Variants in GABRA3 observed in about 807,000 individuals in gnomAD.
The protein encoded by GABRA3 is gamma-aminobutyric acid type A receptor subunit alpha3.
Under a neutral mutation model 30.1 loss-of-function variants are expected in GABRA3, and 10 were observed. The observed-to-expected ratio is 0.33, with a 90% CI of 0.20 to 0.56. The LOEUF (loss-of-function observed/expected upper bound fraction) is 0.56. GABRA3 is among the 20% of genes least tolerant of loss of function. GABRA3 has a pLI of 0.89. For missense variants in GABRA3, 233 were observed against 392.0 expected, an observed-to-expected ratio of 0.59 and a Z score of 3.42; for synonymous variants, 151 against 146.8, an observed-to-expected ratio of 1.03 and a Z score of -0.21.
At chrX:152,429,535 C>T (rs1460431279) in intron 1 of GABRA3, among the ~76,000 whole-genome samples, 3 of 111,820 alleles carry the variant, frequency 2.7e-5, no homozygotes, top group East Asian at 2.8e-4. Context: ...AGCCAAATCA[C>T]GCCTTCCCAC....
chrX:152,331,184 A>G (rs1415196238), intron 3 of GABRA3, among the ~76,000 whole-genome samples: 6 of 65,766 alleles, frequency 9.1e-5, no homozygotes, highest in Non-Finnish European at 1.6e-4. Context: ...CTTTGGAAGG[A>G]AAAAAAAAAA....
chrX:152,279,552 C>G (rs1307632936), intron 4 of GABRA3, among the ~76,000 whole-genome samples: 2 of 111,362 alleles, frequency 1.8e-5, no homozygotes, highest in Non-Finnish European at 3.8e-5. Context: ...TGTGATGCCT[C>G]CAGCTTTGTT....
At chrX:152,226,008 A>T (rs6526084) in intron 5 of GABRA3, among the ~76,000 whole-genome samples, 1 of 110,513 alleles carries the variant, frequency 9.0e-6, no homozygotes, top group Non-Finnish European at 1.9e-5. Context: ...TAAAATATCA[A>T]TATATGAGAC....
intron 9 of GABRA3, among the ~76,000 whole-genome samples, chrX:152,174,189 A>G (rs1285756143): frequency 9.0e-6 from 1 of 110,548 alleles, no homozygotes; most frequent in Admixed American, 9.6e-5. Flanking sequence ...CCAGTCTATC[A>G]TTGTTGGACA....
intron 5 of GABRA3, chrX:152,250,989 G>T: frequency 4.4e-6 from 1 of 226,408 alleles, no homozygotes; most frequent in South Asian, 5.6e-5. Context: ...TAGAGAAAGT[G>T]AACGGTTTGT....
intron 3 of GABRA3, among the ~76,000 whole-genome samples, chrX:152,337,902 G>A (rs974655582): frequency 8.9e-6 from 1 of 112,206 alleles, no homozygotes; most frequent in Non-Finnish European, 1.9e-5. Context: ...ATTCCATGAT[G>A]TACATATACC....
intron 9 of GABRA3, among the ~76,000 whole-genome samples, chrX:152,172,758 G>A (rs901344994): frequency 1.8e-5 from 2 of 111,636 alleles, no homozygotes; most frequent in Non-Finnish European, 3.8e-5. Context: ...CAAATTCATA[G>A]AGACAGAAAG....
intron 1 of GABRA3, among the ~76,000 whole-genome samples, chrX:152,424,047 G>A (rs11094580): frequency 0.47 from 51,195 of 109,945 alleles, 10,249 homozygotes; most frequent in Non-Finnish European, 0.63. Context: ...CATAGGGATT[G>A]TAATAAGAAC....
At chrX:152,320,870 A>G (rs1939953004) in intron 3 of GABRA3, among the ~76,000 whole-genome samples, 1 of 112,031 alleles carries the variant, frequency 8.9e-6, no homozygotes, top group African/African-American at 3.2e-5. Context: ...TCAGAGCTCC[A>G]TATCCTCAAT....
intron 1 of GABRA3, among the ~76,000 whole-genome samples, chrX:152,426,741 C>T (rs1930524083): frequency 1.8e-5 from 2 of 111,839 alleles, no homozygotes; most frequent in Non-Finnish European, 3.8e-5. Context: ...TAGATTTTGG[C>T]AGAATAATAA....
intron 5 of GABRA3, among the ~76,000 whole-genome samples, chrX:152,244,896 GAAAAATATCA>G (rs1413675014): frequency 8.1e-5 from 9 of 111,493 alleles, no homozygotes; most frequent in Non-Finnish European, 1.7e-4. Flanking sequence ...CTGCCCCACA[GAAAAATATCA>G]AATCATTCTT....
At position 152,361,466 on chromosome X, in the gene GABRA3, C is replaced by T. The variant is rs185953356; in HGVS notation, c.140+2965G>A. Among the ~76,000 whole-genome samples the T allele has an allele frequency of 2.6e-3, 274 of 106,287 alleles. 1 individual carries two copies. Among genetic ancestry groups the T allele is most frequent in the African/African-American group, 8.9e-3 (258 of 28,911 alleles). 92.3% of individuals were successfully genotyped at this position (106,287 alleles called of 115,157 possible). ...CATGTGCCTGTAATCCCAGCTACTC[C>T]GGAGGCTGAGGCAGGAGAATGGCTT... On this transcript the variant is annotated intron_variant, in intron 2 of 9. Coordinates refer to ENST00000370314, the MANE Select transcript of GABRA3 (RefSeq NM_000808.4).
intron 9 of GABRA3, among the ~76,000 whole-genome samples, chrX:152,185,836 G>C (rs1937246038): frequency 2.7e-5 from 3 of 112,068 alleles, no homozygotes; most frequent in Non-Finnish European, 3.8e-5. Context: ...CATTAGATTT[G>C]CATTTTCTTC....
chrX:152,225,426 A>ACGCG (rs1556765932), intron 5 of GABRA3, among the ~76,000 whole-genome samples: 3 of 14,580 alleles, frequency 2.1e-4, no homozygotes, highest in South Asian at 0.01. Context: ...ACGCACACAC[A>ACGCG]CACACGCACA....
At chrX:152,365,873 C>T (rs1603248687) in intron 1 of GABRA3, among the ~76,000 whole-genome samples, 2 of 111,698 alleles carry the variant, frequency 1.8e-5, no homozygotes, top group Non-Finnish European at 3.8e-5. Context: ...AGACTTCTGA[C>T]ATGATGAAGT....
chrX:152,179,778 T>A (rs1445729608), intron 9 of GABRA3, among the ~76,000 whole-genome samples: 1 of 111,282 alleles, frequency 9.0e-6, no homozygotes, highest in Non-Finnish European at 1.9e-5. Context: ...AGAGTTCAAC[T>A]TTTTTAGATC....
chrX:152,209,914 T>C (rs1937614132), intron 6 of GABRA3, among the ~76,000 whole-genome samples: 3 of 112,425 alleles, frequency 2.7e-5, no homozygotes, highest in Admixed American at 9.4e-5. Context: ...TAATTTGCCT[T>C]GTATATAGTC....
intron 1 of GABRA3, chrX:152,389,171 T>C (rs947116910): frequency 9.8e-5 from 11 of 111,765 alleles, no homozygotes; most frequent in African/African-American, 3.2e-4. Flanking sequence ...GGTCCAGAAG[T>C]AGAGGGTAAT....
At chrX:152,236,381 A>T (rs1308373727) in intron 5 of GABRA3, among the ~76,000 whole-genome samples, 1 of 100,570 alleles carries the variant, frequency 9.9e-6, no homozygotes, top group African/African-American at 3.7e-5. Flanking sequence ...CATTTTCTTA[A>T]TCCAGTCTAT....
Sources: allele counts gnomAD v4.1 joint callset (sites outside exome capture counted in the v4.1 genomes callset), GRCh38; gene constraint gnomAD v4.1.1; transcripts MANE v1.5; gene names NCBI Gene and HGNC (gene_info 2026-07-23, HGNC 2026-07-21).